Variants in RIGI observed in about 807,000 individuals in gnomAD.
RIGI encodes the protein RNA sensor RIG-I, also known as antiviral innate immune response receptor RIG-I.
At chr9:32,459,829 T>TG in the RIGI span, among the ~76,000 whole-genome samples, 4 of 152,040 alleles carry the variant, frequency 2.6e-5, no homozygotes, top group East Asian at 5.8e-4. Context: ...TGGCAAAACT[T>TG]GGGAAAAAAA....
the RIGI span, among the ~76,000 whole-genome samples, chr9:32,518,808 A>T: frequency 6.6e-6 from 1 of 152,222 alleles, no homozygotes; most frequent in Non-Finnish European, 1.5e-5. Context: ...TCATTACAGT[A>T]TAATACTTAC....
chr9:32,487,909 AG>A, the RIGI span: 1 of 1,605,856 alleles, frequency 6.2e-7, no homozygotes, highest in Non-Finnish European at 8.5e-7. Context: ...GGAAGATTAT[AG>A]CTCTTCTGAA....
At chr9:32,465,822 C>T in the RIGI span, among the ~76,000 whole-genome samples, 12 of 152,196 alleles carry the variant, frequency 7.9e-5, no homozygotes, top group South Asian at 2.1e-4. Context: ...TTCTGTGTTA[C>T]GGAAATTACA....
chr9:32,519,874 C>T, the RIGI span, among the ~76,000 whole-genome samples: 1 of 152,094 alleles, frequency 6.6e-6, no homozygotes, highest in Non-Finnish European at 1.5e-5. Context: ...CACATGTATA[C>T]TTGAAAACAA....
At chr9:32,519,545 G>T in the RIGI span, among the ~76,000 whole-genome samples, 757 of 152,150 alleles carry the variant, frequency 5.0e-3, 5 homozygotes, top group African/African-American at 0.017. Context: ...CATTATTATT[G>T]GTTATTTGGA....
the RIGI span, chr9:32,459,421 T>C: frequency 6.2e-7 from 1 of 1,613,788 alleles, no homozygotes; most frequent in Non-Finnish European, 8.5e-7. Flanking sequence ...TTGCACTTTC[T>C]GCAGAGCAGT....
chr9:32,485,129 G>A, the RIGI span: 1 of 1,340,478 alleles, frequency 7.5e-7, no homozygotes, highest in South Asian at 1.3e-5. Context: ...AACAATAAAT[G>A]GCTATTCCCC....
At chr9:32,511,763 A>T in the RIGI span, among the ~76,000 whole-genome samples, 10 of 152,206 alleles carry the variant, frequency 6.6e-5, no homozygotes, top group Non-Finnish European at 7.3e-5. Flanking sequence ...GAGACACAGA[A>T]AACCCTTCAA....
the RIGI span, among the ~76,000 whole-genome samples, chr9:32,478,831 G>T: frequency 6.6e-6 from 1 of 151,772 alleles, no homozygotes; most frequent in Non-Finnish European, 1.5e-5. Context: ...AAGTGCCATG[G>T]TGACAAGTGT....
At chr9:32,485,544 T>TG in the RIGI span, 1 of 486,388 alleles carries the variant, frequency 2.1e-6, no homozygotes, top group Non-Finnish European at 3.9e-6. Context: ...TTTTTTTTTT[T>TG]TTTTTTTTTT....
the RIGI span, among the ~76,000 whole-genome samples, chr9:32,524,165 C>A: frequency 6.6e-6 from 1 of 152,108 alleles, no homozygotes; most frequent in Non-Finnish European, 1.5e-5. Flanking sequence ...TACCTGCATT[C>A]ACATAGACAC....
the RIGI span, among the ~76,000 whole-genome samples, chr9:32,500,227 T>C: frequency 6.6e-6 from 1 of 152,222 alleles, no homozygotes; most frequent in Non-Finnish European, 1.5e-5. Flanking sequence ...TTCTTCCATA[T>C]ACATTGTAGA....
chr9:32,514,211 C>A, the RIGI span, among the ~76,000 whole-genome samples: 1 of 152,176 alleles, frequency 6.6e-6, no homozygotes, highest in Admixed American at 6.5e-5. Flanking sequence ...TTTGACCCAG[C>A]AATCCCATTA....
chr9:32,504,441 GC>G, the RIGI span, among the ~76,000 whole-genome samples: 5 of 152,114 alleles, frequency 3.3e-5, no homozygotes, highest in African/African-American at 9.7e-5. Context: ...ACTTTGGGAG[GC>G]CAAGGTGGGT....
At chr9:32,476,923 A>C in the RIGI span, 1 of 1,424,580 alleles carries the variant, frequency 7.0e-7, no homozygotes, top group African/African-American at 1.4e-5. Flanking sequence ...TACCCAGCCC[A>C]ATCTTTTCAA....
the RIGI span, chr9:32,466,374 T>C: frequency 6.2e-7 from 1 of 1,613,946 alleles, no homozygotes; most frequent in Non-Finnish European, 8.5e-7. Context: ...TGTTTATTTG[T>C]TCTTTTTCAA....
the RIGI span, among the ~76,000 whole-genome samples, chr9:32,486,055 T>C: frequency 6.6e-6 from 1 of 152,198 alleles, no homozygotes. Context: ...GCTTTGATTA[T>C]AGACAGTTGA....
the RIGI span, chr9:32,488,667 CAA>C: frequency 7.0e-7 from 1 of 1,433,356 alleles, no homozygotes; most frequent in Non-Finnish European, 9.2e-7. Flanking sequence ...TTGTCAAAAA[CAA>C]AACAGAAAAC....
the RIGI span, chr9:32,487,643 G>A: frequency 1.9e-6 from 3 of 1,610,378 alleles, no homozygotes; most frequent in African/African-American, 4.0e-5. Context: ...CCTGTAAGGA[G>A]CATTCAAAAT....
Sources: gnomAD v4.1 joint callset for allele counts (sites outside exome capture counted in the v4.1 genomes callset) on GRCh38, gnomAD v4.1.1 for gene constraint, MANE v1.5 for transcripts, NCBI Gene and HGNC (gene_info 2026-07-23, HGNC 2026-07-21) for gene names.